Variants in SUCO observed in about 807,000 individuals in gnomAD.
SUCO encodes SUN domain-containing ossification factor.
In SUCO, 57 loss-of-function variants were observed where a neutral mutation model predicts 148.1. The ratio of observed to expected loss-of-function variants is 0.38; its 90% CI spans 0.31 to 0.48. The LOEUF (loss-of-function observed/expected upper bound fraction) is 0.48. Among genes scored for constraint, SUCO ranks in the 20% least tolerant of loss-of-function variants. The pLI is 0.96. For missense variants in SUCO, 1,331 were observed against 1,468.2 expected, an observed-to-expected ratio of 0.91 and a Z score of 1.53; for synonymous variants, 470 against 502.7, an observed-to-expected ratio of 0.93 and a Z score of 0.87.
rs987104102 is a variant in SUCO at position 172,611,318 on chromosome 1, G to A, written c.*1059G>A. On this transcript the variant is annotated 3_prime_UTR_variant, in exon 24 of 24. Coordinates refer to ENST00000263688, the MANE Select transcript of SUCO (RefSeq NM_014283.5). The stretch of plus-strand genomic sequence containing the variant: ...ATACATATGTGATGTCGATGTCTCT[G>A]TCTTTTTTTTTGTCTTTAAAAAATA... The A allele has an allele frequency of 3.3e-5, 5 of 152,556 alleles. No homozygotes were observed. The highest frequency in any genetic ancestry group is 1.2e-4 in the African/African-American group (5 of 41,528). The allele number at this position is 152,556 out of a possible 1,614,324, so 9.5% of individuals were successfully genotyped here. A position where few individuals can be genotyped will look rare whatever the true frequency, so the allele number is the denominator to read the frequency against.
chr1:172,608,696 A>G, intron 22 of SUCO, 51 bp from the exon 23 acceptor site: 1 of 1,254,842 alleles, frequency 8.0e-7, no homozygotes, highest in Non-Finnish European at 1.1e-6. Flanking sequence ...TAGCAAATCC[A>G]CCAAATCCAC....
Position 172,610,120 on chromosome 1 carries a change from TCCAAGA to T in SUCO, c.3632_3637del (p.Asp1211_Gln1212del). On this transcript the variant is annotated inframe_deletion, in exon 24 of 24. Coordinates refer to ENST00000263688, the MANE Select transcript of SUCO (RefSeq NM_014283.5). ...GCTTTAAAACGAAGACGATCTAAAG[TCCAAGA>T]CCAAGGAAAATTGATAAAAACTCTA... 1 of 1,613,668 alleles carries T rather than the reference TCCAAGA, an allele frequency of 6.2e-7. No individual in the cohort carries two copies. The highest frequency in any genetic ancestry group is 8.5e-7 in the Non-Finnish European group (1 of 1,179,844).
At chr1:172,556,850 T>A in intron 4 of SUCO, 2 of 844,788 alleles carry the variant, frequency 2.4e-6, no homozygotes, top group Non-Finnish European at 2.8e-6. Context: ...AATGACTGGT[T>A]AATGAAATGG....
At chr1:172,609,680 G>T in intron 23 of SUCO, 136 bp from the exon 24 acceptor site, 2 of 1,450,212 alleles carry the variant, frequency 1.4e-6, no homozygotes, top group Admixed American at 2.9e-5. Flanking sequence ...AACAATGTAT[G>T]TGTTCTGTGC....
intron 1 of SUCO, among the ~76,000 whole-genome samples, chr1:172,535,896 A>T (rs1651978094): frequency 6.6e-6 from 1 of 152,160 alleles, no homozygotes; most frequent in Non-Finnish European, 1.5e-5. Context: ...CTAACCTTAG[A>T]TTATGTTTAC....
chr1:172,533,011 T>C, upstream of SUCO: 2 of 1,422,812 alleles, frequency 1.4e-6, no homozygotes. Context: ...GCCGCGGGAC[T>C]TGGGTGACGC....
Position 172,589,981 on chromosome 1 carries a change from T to C in SUCO, c.2825+55T>C, listed in dbSNP as rs957299329. 15 of 1,392,750 alleles carry C rather than the reference T, an allele frequency of 1.1e-5. No homozygotes were observed. The African/African-American group carries it at 1.9e-4, about 17-fold the overall frequency. The allele number at this position is 1,392,750 out of a possible 1,614,324, so 86.3% of individuals were successfully genotyped here. A position where few individuals can be genotyped will look rare whatever the true frequency, so the allele number is the denominator to read the frequency against. The stretch of plus-strand genomic sequence containing the variant: ...GCTTCACACAGTGAGTTAAGCAGCA[T>C]AGAGTATGACCTGTGATTACAGGAG... On this transcript the variant is annotated intron_variant, in intron 18 of 23. Coordinates refer to ENST00000263688, the MANE Select transcript of SUCO (RefSeq NM_014283.5).
At chr1:172,607,467 G>T (rs1027605762) in intron 22 of SUCO, among the ~76,000 whole-genome samples, 5 of 151,650 alleles carry the variant, frequency 3.3e-5, no homozygotes, top group Non-Finnish European at 7.4e-5. Context: ...CTAAACTTTG[G>T]GTGGGCCCTA....
chr1:172,571,197 T>G (rs1654941789), intron 9 of SUCO, among the ~76,000 whole-genome samples: 1 of 150,626 alleles, frequency 6.6e-6, no homozygotes, highest in Non-Finnish European at 1.5e-5. Context: ...TGCCTGCGAT[T>G]GCAGGCGCGC....
rs994760463 is a variant in SUCO at position 172,611,042 on chromosome 1, G to A, written c.*783G>A. Reference sequence around the variant, plus strand: ...TAAACACACTTAACCATTTGTGAAGGTTTTCTTTAGCTTACATTTTAAACA... The same window carrying A: ...TAAACACACTTAACCATTTGTGAAGATTTTCTTTAGCTTACATTTTAAACA... On this transcript the variant is annotated 3_prime_UTR_variant, in exon 24 of 24. Coordinates refer to ENST00000263688, the MANE Select transcript of SUCO (RefSeq NM_014283.5). 6.6e-6 allele frequency: 1 copy of A among 152,546 alleles called. No homozygotes were observed. The highest frequency in any genetic ancestry group is 2.4e-5 in the African/African-American group (1 of 41,426). 9.4% of individuals were successfully genotyped at this position (152,546 alleles called of 1,614,324 possible).
intron 15 of SUCO, among the ~76,000 whole-genome samples, chr1:172,580,294 G>C (rs1655790966): frequency 6.6e-6 from 1 of 152,102 alleles, no homozygotes; most frequent in Non-Finnish European, 1.5e-5. Context: ...AATACCTGTA[G>C]AAGGAAAATC....
intron 9 of SUCO, among the ~76,000 whole-genome samples, chr1:172,572,696 TAAAAAAAAAAAA>T (rs61248782): frequency 0.011 from 564 of 49,634 alleles, 9 homozygotes; most frequent in Admixed American, 0.021. Context: ...GAATGATCAA[TAAAAAAAAAAAA>T]AAAAAAAAAA....
chr1:172,535,392 A>G (rs1651931110), intron 1 of SUCO, among the ~76,000 whole-genome samples: 1 of 152,246 alleles, frequency 6.6e-6, no homozygotes, highest in Non-Finnish European at 1.5e-5. Context: ...AAAATAGGAC[A>G]TTAAGGCTTA....
rs776206282 is a variant in SUCO at position 172,589,774 on chromosome 1, G to A, written c.2673G>A (p.Leu891=). The stretch of plus-strand genomic sequence containing the variant: ...CAGCTACAGATTTTTATGCTGAATT[G>A]CAAAATTCTACAGATCTAGGATATG... ...QRTATDFYAE[L]QNSTDLGYAN... The change falls in exon 18 of 24, where the codon TTG becomes TTA. Residue 891 remains leucine (L), a synonymous_variant. Coordinates refer to ENST00000263688, the MANE Select transcript of SUCO (RefSeq NM_014283.5). 1.1e-5 allele frequency: 18 copies of A among 1,612,124 alleles called. No individual in the cohort carries two copies. The highest frequency in any genetic ancestry group is 1.5e-5 in the Non-Finnish European group (18 of 1,179,282).
chr1:172,557,382 A>C lies in SUCO; in HGVS notation c.546A>C (p.Pro182=). The C allele has an allele frequency of 1.2e-6, 2 of 1,614,026 alleles. No individual in the cohort carries two copies. Among genetic ancestry groups the C allele is most frequent in the Non-Finnish European group, 1.7e-6 (2 of 1,179,906 alleles). Residue 182 remains proline (P), a synonymous_variant, in exon 5 of 24, where the codon CCA becomes CCC. Transcript: ENST00000263688. ...GTGAGGCCCTTGATGCTAGTGCTCC[A>C]ATTGAACAACCTTCCTTTGTCAGTC... ...DVGEALDASA[P]IEQPSFVSPP...
At chr1:172,554,476 A>G (rs917940315) in intron 3 of SUCO, among the ~76,000 whole-genome samples, 1 of 152,282 alleles carries the variant, frequency 6.6e-6, no homozygotes, top group Admixed American at 6.5e-5. Flanking sequence ...GATTTTGAAG[A>G]CTTAATTAAA....
chr1:172,561,631 G>A (rs1273460522), intron 6 of SUCO, among the ~76,000 whole-genome samples: 1 of 152,148 alleles, frequency 6.6e-6, no homozygotes, highest in Non-Finnish European at 1.5e-5. Context: ...TTCCTAGGAG[G>A]TTGGCTAAAG....
chr1:172,570,416 TA>T, intron 8 of SUCO: 1 of 491,922 alleles, frequency 2.0e-6, no homozygotes. Flanking sequence ...ATAACTAAAA[TA>T]TTATTTTTTT....
chr1:172,553,223 G>A lies in SUCO; in HGVS notation c.178-37G>A, dbSNP rs1653439471. The A allele has an allele frequency of 6.6e-6, 10 of 1,512,498 alleles. No homozygotes were observed. In the East Asian group the frequency reaches 2.1e-4, roughly 32 times the overall value. The allele number at this position is 1,512,498 out of a possible 1,614,324, so 93.7% of individuals were successfully genotyped here. On this transcript the variant is annotated intron_variant, in intron 2 of 23. Transcript: ENST00000263688. ...TGCTTTATAACTGTTTTGTAAAACA[G>A]TTTTATCAGGTGATTTTTGTTGTTG...
Sources: gnomAD v4.1 joint callset for allele counts (sites outside exome capture counted in the v4.1 genomes callset) on GRCh38, gnomAD v4.1.1 for gene constraint, MANE v1.5 for transcripts, NCBI Gene and HGNC (gene_info 2026-07-23, HGNC 2026-07-21) for gene names.